Variants in ANO4 observed in about 807,000 individuals in gnomAD.
ANO4 encodes the protein anoctamin 4, also known as anoctamin-4.
Under a neutral mutation model 141.9 loss-of-function variants are expected in ANO4, and 69 were observed. The ratio of observed to expected loss-of-function variants is 0.49; its 90% CI spans 0.40 to 0.59. The LOEUF (loss-of-function observed/expected upper bound fraction) is 0.59, where lower values mean the gene tolerates loss of function less well. Ranked by LOEUF, ANO4 falls within the 20% of genes least tolerant of loss-of-function variation. ANO4 has a pLI of 0.00. For synonymous variants in ANO4, 350 were observed against 394.3 expected (o/e 0.89, Z 1.33); for missense variants, 894 against 1,162.2 (o/e 0.77, Z 3.36).
At chr12:100,848,767 C>A (rs946355894) in intron 1 of ANO4, among the ~76,000 whole-genome samples, 1 of 152,166 alleles carries the variant, frequency 6.6e-6, no homozygotes, top group African/African-American at 2.4e-5. Flanking sequence ...CATGGTGGAA[C>A]ATGTTTTGCC....
At position 100,760,208 on chromosome 12, in the gene ANO4, T is replaced by C. The variant is rs114195370; in HGVS notation, c.358+20103T>C. ...TAAAGAAGGTCATTTGGAGTGACGT[T>C]TAGGAGAGATTTTGGGGGCTAATAT... On this transcript the variant is annotated intron_variant, in intron 3 of 29. Coordinates refer to the ANO4 transcript ENST00000644049. 1.9e-3 allele frequency among the ~76,000 whole-genome samples: 290 copies of C among 152,312 alleles called. 4 individuals are homozygous for C. Among genetic ancestry groups the C allele is most frequent in the African/African-American group, 6.8e-3 (282 of 41,570 alleles).
intron 4 of ANO4, among the ~76,000 whole-genome samples, chr12:100,940,513 T>G (rs1592780645): frequency 6.6e-6 from 1 of 152,336 alleles, no homozygotes; most frequent in Non-Finnish European, 1.5e-5. Flanking sequence ...CAAATAAGTG[T>G]TAACTAAAGT....
chr12:100,816,517 A>G (rs2035749272), intron 1 of ANO4, among the ~76,000 whole-genome samples: 1 of 152,020 alleles, frequency 6.6e-6, no homozygotes, highest in South Asian at 2.1e-4. Flanking sequence ...TTTAGGAGGC[A>G]ATGGGAATAA....
intron 1 of ANO4, among the ~76,000 whole-genome samples, chr12:100,822,035 G>C (rs1211077472): frequency 6.6e-6 from 1 of 151,756 alleles, no homozygotes; most frequent in Non-Finnish European, 1.5e-5. Flanking sequence ...TTAGTGTTCT[G>C]GTCCACAGCT....
intron 16 of ANO4, among the ~76,000 whole-genome samples, chr12:101,085,487 T>C (rs2049454105): frequency 6.6e-6 from 1 of 152,204 alleles, no homozygotes; most frequent in Admixed American, 6.6e-5. Flanking sequence ...TCAGGTATTA[T>C]AAGTAATCTA....
chr12:100,832,456 C>T (rs2036680790), intron 1 of ANO4, among the ~76,000 whole-genome samples: 1 of 152,010 alleles, frequency 6.6e-6, no homozygotes, highest in Admixed American at 6.6e-5. Flanking sequence ...ACGTGTGTTT[C>T]CTTAAATAAC....
At chr12:100,785,034 A>G (rs2033824892) in intron 3 of ANO4, among the ~76,000 whole-genome samples, 1 of 152,058 alleles carries the variant, frequency 6.6e-6, no homozygotes, top group African/African-American at 2.4e-5. Flanking sequence ...GACAACTTAA[A>G]TTAGTAAAAA....
At chr12:100,851,966 A>G (rs1051272431) in intron 1 of ANO4, among the ~76,000 whole-genome samples, 6 of 152,168 alleles carry the variant, frequency 3.9e-5, no homozygotes, top group Non-Finnish European at 7.3e-5. Context: ...TGAGGCCTGA[A>G]TTTCAGAATA....
chr12:101,048,454 T>A, intron 14 of ANO4, 53 bp downstream of exon 14: 2 of 1,497,474 alleles, frequency 1.3e-6, no homozygotes, highest in Non-Finnish European at 1.8e-6. Context: ...CCCTATGATA[T>A]ATTCCTTTAG....
At chr12:100,771,484 C>G (rs575060333) in intron 3 of ANO4, among the ~76,000 whole-genome samples, 1 of 152,150 alleles carries the variant, frequency 6.6e-6, no homozygotes, top group South Asian at 2.1e-4. Context: ...CACCACCCCC[C>G]ACCCCAGTTC....
At chr12:101,010,256 G>T (rs982731602) in intron 8 of ANO4, among the ~76,000 whole-genome samples, 8 of 152,046 alleles carry the variant, frequency 5.3e-5, no homozygotes, top group Non-Finnish European at 1.2e-4. Flanking sequence ...GTATGCAAAT[G>T]TTTAATTTTC....
At chr12:100,734,109 A>G (rs77010239) in intron 2 of ANO4, among the ~76,000 whole-genome samples, 3,427 of 152,338 alleles carry the variant, frequency 0.022, 123 homozygotes, top group African/African-American at 0.077. Flanking sequence ...CCAGATCTTC[A>G]TCATTTGCTT....
intron 1 of ANO4, among the ~76,000 whole-genome samples, chr12:100,877,256 A>C (rs893706052): frequency 6.6e-5 from 10 of 151,984 alleles, no homozygotes; most frequent in Non-Finnish European, 1.5e-5. Context: ...GAAAATTGCC[A>C]AGAGATTAGA....
chr12:100,978,355 G>A (rs747002791), intron 7 of ANO4, among the ~76,000 whole-genome samples: 1 of 152,202 alleles, frequency 6.6e-6, no homozygotes, highest in African/African-American at 2.4e-5. Flanking sequence ...CAAACAGTGG[G>A]GGTGGGATGG....
chr12:100,783,506 C>T (rs934488144), intron 3 of ANO4, among the ~76,000 whole-genome samples: 2 of 152,154 alleles, frequency 1.3e-5, no homozygotes, highest in South Asian at 4.1e-4. Context: ...AAGATCACTT[C>T]CTGAAGCACA....
intron 22 of ANO4, 80 bp downstream of exon 22, chr12:101,099,800 T>C: frequency 8.1e-7 from 1 of 1,236,124 alleles, no homozygotes; most frequent in East Asian, 2.7e-5. Flanking sequence ...ATACCCGTTA[T>C]CATCAAGGTC....
intron 8 of ANO4, among the ~76,000 whole-genome samples, chr12:101,010,963 T>C (rs1200355001): frequency 1.3e-5 from 2 of 152,230 alleles, no homozygotes; most frequent in African/African-American, 2.4e-5. Flanking sequence ...GGAGTCAACA[T>C]GTGGCTGCAG....
chr12:101,109,637 T>G (rs1593293511), intron 22 of ANO4, among the ~76,000 whole-genome samples: 1 of 152,270 alleles, frequency 6.6e-6, no homozygotes, highest in East Asian at 1.9e-4. Context: ...GTTTTGTAAT[T>G]AGTAAAAGTT....
At chr12:100,998,379 TTATCTATCTATC>T (rs5800449) in intron 8 of ANO4, among the ~76,000 whole-genome samples, 25 of 148,882 alleles carry the variant, frequency 1.7e-4, no homozygotes, top group South Asian at 8.8e-4. Context: ...AAACTCCCCT[TTATCTATCTATC>T]TATCTATCTA....
Sources: allele counts gnomAD v4.1 joint callset (sites outside exome capture counted in the v4.1 genomes callset), GRCh38; gene constraint gnomAD v4.1.1; transcripts MANE v1.5; gene names NCBI Gene and HGNC (gene_info 2026-07-23, HGNC 2026-07-21).